The following UBE3C variants were observed in gnomAD, a reference collection of about 807,000 sequenced individuals.
UBE3C encodes ubiquitin-protein ligase E3C.
Under a neutral mutation model 129.4 loss-of-function variants are expected in UBE3C, and 42 were observed. The observed-to-expected ratio is 0.32, with a 90% CI of 0.25 to 0.42. The LOEUF (loss-of-function observed/expected upper bound fraction) is 0.42, where lower values mean the gene tolerates loss of function less well. UBE3C is among the 10% of genes least tolerant of loss of function. UBE3C has a pLI of 1.00. For synonymous variants in UBE3C, 510 were observed against 492.4 expected, an observed-to-expected ratio of 1.04 and a Z score of -0.47; for missense variants, 1,049 against 1,319.1, an observed-to-expected ratio of 0.80 and a Z score of 3.17.
chr7:157,237,911 G>T (rs954417919), intron 18 of UBE3C, among the ~76,000 whole-genome samples: 2 of 151,504 alleles, frequency 1.3e-5, no homozygotes, highest in Admixed American at 6.6e-5. Flanking sequence ...AAGTAGCCAG[G>T]CATGGTGGTG....
chr7:157,245,303 T>G (rs1437089623), intron 18 of UBE3C, among the ~76,000 whole-genome samples: 1 of 152,244 alleles, frequency 6.6e-6, no homozygotes. Flanking sequence ...CCTTATATAT[T>G]GAACATCAAA....
chr7:157,199,231 A>G (rs1250078485), intron 10 of UBE3C, among the ~76,000 whole-genome samples: 1 of 152,196 alleles, frequency 6.6e-6, no homozygotes, highest in Non-Finnish European at 1.5e-5. Flanking sequence ...ACCTTTTCAA[A>G]TTATTTTGAA....
At chr7:157,157,190 A>G (rs975330159) in intron 1 of UBE3C, among the ~76,000 whole-genome samples, 2 of 152,336 alleles carry the variant, frequency 1.3e-5, no homozygotes, top group African/African-American at 2.4e-5. Flanking sequence ...AAAATTCAAT[A>G]TACAGAAATC....
At chr7:157,181,484 G>A (rs1050349367) in intron 6 of UBE3C, 34 bp from the exon 7 acceptor site, 3 of 1,541,156 alleles carry the variant, frequency 1.9e-6, no homozygotes, top group Admixed American at 2.3e-5. Context: ...ACAGGAAAAG[G>A]CACTAAATTT....
rs2116862971 is a variant in UBE3C, at chr7:157,163,866, A to G, written c.120+3A>G. The G allele has an allele frequency of 6.2e-7, 1 of 1,613,306 alleles. No homozygotes were observed. The highest frequency in any genetic ancestry group is 8.5e-7 in the Non-Finnish European group (1 of 1,179,630). ...AGGAAGAAAGAAGAAAGAGAGAGGT[A>G]AAAACAGTTTTGTAATACTCTGTAG... is the stretch of plus-strand genomic sequence containing the variant. On this transcript the variant is annotated splice_donor_region_variant and intron_variant, in intron 2 of 22. Coordinates refer to ENST00000348165, the MANE Select transcript of UBE3C (RefSeq NM_014671.3).
rs565667544 is a variant in UBE3C at position 157,193,740 on chromosome 7, A to G, written c.1331+6719A>G. ...ACTTTTTGATTACATGCATCATGCA[A>G]AATGACTGACCTCACACATGGTTGT... On this transcript the variant is annotated intron_variant, in intron 10 of 22. Transcript: ENST00000348165. 1.4e-4 allele frequency among the ~76,000 whole-genome samples: 21 copies of G among 152,232 alleles called. No individual in the cohort carries two copies. The South Asian group carries it at 2.1e-3, about 15-fold the overall frequency.
At chr7:157,140,551 A>G (rs1380778712) in intron 1 of UBE3C, among the ~76,000 whole-genome samples, 1 of 152,224 alleles carries the variant, frequency 6.6e-6, no homozygotes, top group Non-Finnish European at 1.5e-5. Flanking sequence ...GGATTTCTAC[A>G]GTTAGGAGAG....
intron 22 of UBE3C, among the ~76,000 whole-genome samples, chr7:157,266,008 G>C (rs953345340): frequency 7.2e-5 from 11 of 152,168 alleles, no homozygotes; most frequent in African/African-American, 2.4e-4. Context: ...ATTTCGTCTT[G>C]TAATTTAATG....
chr7:157,189,038 C>T, intron 10 of UBE3C: 1 of 473,706 alleles, frequency 2.1e-6, no homozygotes, highest in South Asian at 4.8e-5. Context: ...AGACACAGGA[C>T]AGTATGTAGA....
At chr7:157,145,274 T>G (rs1367357673) in intron 1 of UBE3C, among the ~76,000 whole-genome samples, 1 of 151,556 alleles carries the variant, frequency 6.6e-6, no homozygotes. Context: ...GCCCGGCACT[T>G]TGGAAGGCCA....
At chr7:157,201,921 AT>A in intron 11 of UBE3C, 114 bp downstream of exon 11, 2 of 814,110 alleles carry the variant, frequency 2.5e-6, no homozygotes, top group South Asian at 1.6e-5. Flanking sequence ...CTTATTTCAT[AT>A]TAGAAGGTAA....
intron 21 of UBE3C, among the ~76,000 whole-genome samples, chr7:157,255,761 A>G (rs1383824737): frequency 1.3e-5 from 2 of 152,174 alleles, no homozygotes; most frequent in African/African-American, 2.4e-5. Context: ...TACAGCAATT[A>G]TTTTAGGTTT....
chr7:157,250,294 C>G (rs1796590773), intron 19 of UBE3C, among the ~76,000 whole-genome samples: 1 of 152,160 alleles, frequency 6.6e-6, no homozygotes, highest in African/African-American at 2.4e-5. Flanking sequence ...TCTCGGTTCA[C>G]TGCACCCTCA....
intron 10 of UBE3C, among the ~76,000 whole-genome samples, chr7:157,190,701 G>C (rs1808936775): frequency 6.6e-6 from 1 of 152,294 alleles, no homozygotes; most frequent in African/African-American, 2.4e-5. Context: ...CTCTTGAACA[G>C]TGTAGACTCC....
chr7:157,197,629 T>C, intron 10 of UBE3C: 1 of 1,607,646 alleles, frequency 6.2e-7, no homozygotes, highest in Non-Finnish European at 8.5e-7. Context: ...AACACAGTGT[T>C]AAGAATATCT....
At chr7:157,156,007 G>A (rs1361119535) in intron 1 of UBE3C, among the ~76,000 whole-genome samples, 1 of 152,158 alleles carries the variant, frequency 6.6e-6, no homozygotes, top group Non-Finnish European at 1.5e-5. Flanking sequence ...TCAACTATGA[G>A]TACAATAAAT....
intron 11 of UBE3C, among the ~76,000 whole-genome samples, chr7:157,206,250 G>A (rs781774826): frequency 6.6e-6 from 1 of 152,070 alleles, no homozygotes. Flanking sequence ...TTAATATATC[G>A]TAGCTCTTTT....
chr7:157,259,464 A>C (rs1285382476), intron 22 of UBE3C, among the ~76,000 whole-genome samples: 2 of 152,244 alleles, frequency 1.3e-5, no homozygotes, highest in African/African-American at 4.8e-5. Flanking sequence ...TGTTCAGAGC[A>C]AGCCTTCATA....
At chr7:157,234,978 G>C (rs1335416322) in intron 18 of UBE3C, among the ~76,000 whole-genome samples, 2 of 152,156 alleles carry the variant, frequency 1.3e-5, no homozygotes, top group African/African-American at 4.8e-5. Context: ...GATCACCTGA[G>C]GTCGGGAGCT....
Sources: gnomAD v4.1 joint callset for allele counts (sites outside exome capture counted in the v4.1 genomes callset) on GRCh38, gnomAD v4.1.1 for gene constraint, MANE v1.5 for transcripts, NCBI Gene and HGNC (gene_info 2026-07-23, HGNC 2026-07-21) for gene names.